Variants in VPS52 observed in about 807,000 individuals in gnomAD.
VPS52 encodes VPS52 subunit of GARP complex.
In VPS52, 56 loss-of-function variants were observed where a neutral mutation model predicts 98.7. The ratio of observed to expected loss-of-function variants is 0.57; its 90% CI spans 0.46 to 0.71. The LOEUF (loss-of-function observed/expected upper bound fraction) is 0.71. Ranked by LOEUF, VPS52 falls within the 30% of genes least tolerant of loss-of-function variation. The probability of loss-of-function intolerance (pLI) is 0.00; values close to 1 mark genes in which losing one functional copy is unlikely to be tolerated. For missense variants in VPS52, 742 were observed against 925.9 expected (o/e 0.80, Z 2.58); for synonymous variants, 348 against 346.4 (o/e 1.00, Z -0.05).
chr6:33,262,869 T>C (rs1763792188), intron 17 of VPS52, among the ~76,000 whole-genome samples: 1 of 152,152 alleles, frequency 6.6e-6, no homozygotes, highest in East Asian at 1.9e-4. Flanking sequence ...GAAGGATGGC[T>C]ACCAGAGGCT....
At chr6:33,263,263 CAAAAAA>C (rs750569619) in intron 17 of VPS52, among the ~76,000 whole-genome samples, 4 of 44,414 alleles carry the variant, frequency 9.0e-5, no homozygotes, top group Non-Finnish European at 1.9e-4. Context: ...CACTTTGCCT[CAAAAAA>C]AAAAAAAAAA....
In VPS52 at chr6:33,266,816, G is replaced by A. The variant is rs1228788709; in HGVS notation, c.1126-104C>T. ...CAGTAAACCTGAGTAATAAGAGCTA[G>A]GCAGACCCTTCGCATCTATCTAGGT... On this transcript the variant is annotated intron_variant, in intron 11 of 19. Transcript: ENST00000445902. The A allele has an allele frequency of 3.5e-6, 5 of 1,419,372 alleles. No individual in the cohort carries two copies. In the African/African-American group the frequency reaches 5.7e-5, roughly 16 times the overall value. The allele number at this position is 1,419,372 out of a possible 1,614,324, so 87.9% of individuals were successfully genotyped here.
chr6:33,263,542 GC>G lies in VPS52; in HGVS notation c.1735del (p.Ala579LeufsTer34). The G allele has an allele frequency of 6.2e-7, 1 of 1,614,084 alleles. No individual in the cohort carries two copies. Among genetic ancestry groups the G allele is most frequent in the Non-Finnish European group, 8.5e-7 (1 of 1,180,010 alleles). On this transcript the variant is annotated frameshift_variant, in exon 17 of 20. Transcript: ENST00000445902. LOFTEE classifies it high-confidence loss of function. ...DMMLGVLMER[A>X]ADDSKEVESF... The stretch of plus-strand genomic sequence containing the variant: ...CTCAACCTCTTTGCTGTCATCTGCA[GC>G]CCGCTCCTAAGGGAAGACAAAGGGA...
rs372058153 is a variant in VPS52, at chr6:33,271,643, G to T, written c.33C>A (p.Ala11=). MAAAATMAAA[A]RELVLRAGTS... ...TCCCAGCCCGCAACACCAGTTCCCG[G>T]GCCGCAGCCGCCATGGTCGCAGCGG... The change falls in exon 1 of 20, where the codon GCC becomes GCA. Residue 11 remains alanine, a synonymous_variant. Coordinates refer to ENST00000445902, the MANE Select transcript of VPS52 (RefSeq NM_022553.6). 1 of 1,610,642 alleles carries T rather than the reference G, an allele frequency of 6.2e-7. No individual in the cohort carries two copies.
intron 11 of VPS52, 70 bp from the exon 12 acceptor site, chr6:33,266,782 C>T: frequency 6.5e-7 from 1 of 1,534,002 alleles, no homozygotes. Context: ...ATGGATATGG[C>T]TGGAAAATCA....
rs1444971577 is a variant in VPS52, at chr6:33,268,738, C to G, written c.549-89G>C. The G allele has an allele frequency of 9.3e-6, 13 of 1,397,598 alleles. No homozygotes were observed. Among genetic ancestry groups the G allele is most frequent in the Non-Finnish European group, 1.2e-5 (13 of 1,055,700 alleles). The allele number at this position is 1,397,598 out of a possible 1,614,324, so 86.6% of individuals were successfully genotyped here. ...AGACCACACTCCTTACCTCCAGCCC[C>G]TGTCATCTCTACCACCTTGCATTGT... On this transcript the variant is annotated intron_variant, in intron 6 of 19. Transcript: ENST00000445902. This position sits in a 1 kb window ranked among gnomAD's most constrained non-coding sequence, Gnocchi z 4.0.
rs767312322 is a variant in VPS52 at position 33,269,200 on chromosome 6, G to C, written c.373-11C>G. On this transcript the variant is annotated splice_polypyrimidine_tract_variant and intron_variant, in intron 5 of 19. Coordinates refer to ENST00000445902, the MANE Select transcript of VPS52 (RefSeq NM_022553.6). ...CATCTGCTCCATTCGCTGTAGGGAG[G>C]GTAGATGTTGCCGGAGTGCTATAGG... 6.2e-7 allele frequency: 1 copy of C among 1,612,842 alleles called. No individual in the cohort carries two copies. The highest frequency in any genetic ancestry group is 8.5e-7 in the Non-Finnish European group (1 of 1,179,878).
In VPS52 at chr6:33,268,713, A is replaced by T; in HGVS notation, c.549-64T>A. The T allele has an allele frequency of 6.6e-7, 1 of 1,521,922 alleles. No individual in the cohort carries two copies. Among genetic ancestry groups the T allele is most frequent in the Non-Finnish European group, 8.8e-7 (1 of 1,137,086 alleles). The allele number at this position is 1,521,922 out of a possible 1,614,324, so 94.3% of individuals were successfully genotyped here. On this transcript the variant is annotated intron_variant, in intron 6 of 19. Transcript: ENST00000445902. The surrounding 1 kb of genome is among the most constrained non-coding windows in gnomAD (Gnocchi z 4.0). The stretch of plus-strand genomic sequence containing the variant: ...ACCCAGACATCCCTAAACCAGACCC[A>T]GACCACACTCCTTACCTCCAGCCCC...
Position 33,267,728 on chromosome 6 carries a change from G to A in VPS52, c.945C>T (p.Val315=), listed in dbSNP as rs775085926. Residue 315 remains valine, a synonymous_variant, in exon 10 of 20, where the codon GTC becomes GTT. Transcript: ENST00000445902. The surrounding 1 kb of genome is among the most constrained non-coding windows in gnomAD (Gnocchi z 4.2). ...CACCCATTAGATCATCTTTCTCAGC[G>A]ACTTCCTCATACTAAGGAAAGAGAA... ...GRLMKVQYEE[V]AEKDDLMGVE... 43 of 1,612,740 alleles carry A rather than the reference G, an allele frequency of 2.7e-5. No homozygotes were observed. The highest frequency in any genetic ancestry group is 1.0e-4 in the Admixed American group (6 of 59,970).
chr6:33,253,856 AAGG>A (rs1428608763), intron 17 of VPS52, among the ~76,000 whole-genome samples: 1 of 152,188 alleles, frequency 6.6e-6, no homozygotes, highest in African/African-American at 2.4e-5. Context: ...GGGGACACAG[AAGG>A]AGGATAAGCA....
chr6:33,267,541 G>T lies in VPS52; in HGVS notation c.991+141C>A. 1.6e-6 allele frequency: 2 copies of T among 1,218,722 alleles called. No individual in the cohort carries two copies. The highest frequency in any genetic ancestry group is 2.3e-6 in the Non-Finnish European group (2 of 863,888). 75.5% of individuals were successfully genotyped at this position (1,218,722 alleles called of 1,614,324 possible). A position where few individuals can be genotyped will look rare whatever the true frequency, so the allele number is the denominator to read the frequency against. On this transcript the variant is annotated intron_variant, in intron 10 of 19. Transcript: ENST00000445902. This position sits in a 1 kb window ranked among gnomAD's most constrained non-coding sequence, Gnocchi z 4.2. Reference sequence around the variant, plus strand: ...TCAAAATAATGTGTGCATCTTTCTGGGGAGGGAGGCTATAGCTTTCATCAC... The same window carrying T: ...TCAAAATAATGTGTGCATCTTTCTGTGGAGGGAGGCTATAGCTTTCATCAC...
chr6:33,262,849 G>A (rs1456310550), intron 17 of VPS52, among the ~76,000 whole-genome samples: 2 of 152,188 alleles, frequency 1.3e-5, no homozygotes, highest in East Asian at 1.9e-4. Context: ...ACTCATGTAC[G>A]AAGAGAGTAG....
intron 5 of VPS52, 47 bp from the exon 6 acceptor site, chr6:33,269,236 G>C (rs777666972): frequency 3.1e-6 from 5 of 1,603,564 alleles, no homozygotes; most frequent in Non-Finnish European, 4.3e-6. Context: ...GTTTGTAGGG[G>C]ATAAGTGGGC....
In VPS52 at chr6:33,268,459, G is replaced by A. The variant is rs1423705063; in HGVS notation, c.699+40C>T. The A allele has an allele frequency of 6.5e-7, 1 of 1,550,114 alleles. No homozygotes were observed. Among genetic ancestry groups the A allele is most frequent in the East Asian group, 2.3e-5 (1 of 44,232 alleles). ...CCATAGTGAAGATCTTGGGAAGGCTGCTTCCAGTAGCCTCCAGGGTATCCA... is the reference window on the plus strand; with the variant it reads ...CCATAGTGAAGATCTTGGGAAGGCTACTTCCAGTAGCCTCCAGGGTATCCA... On this transcript the variant is annotated intron_variant, in intron 7 of 19. Coordinates refer to ENST00000445902, the MANE Select transcript of VPS52 (RefSeq NM_022553.6). The surrounding 1 kb of genome is among the most constrained non-coding windows in gnomAD (Gnocchi z 4.0).
chr6:33,250,771 A>T lies in VPS52; in HGVS notation c.*70T>A. On this transcript the variant is annotated 3_prime_UTR_variant, in exon 20 of 20. Coordinates refer to ENST00000445902, the MANE Select transcript of VPS52 (RefSeq NM_022553.6). ...AAACTGGAAGGGGTACCCCAGGTGA[A>T]GAAGGGTATGGAATGGGGTGCAGAA... 6.4e-7 allele frequency: 1 copy of T among 1,556,468 alleles called. No individual in the cohort carries two copies. Among genetic ancestry groups the T allele is most frequent in the East Asian group, 2.3e-5 (1 of 44,112 alleles).
intron 16 of VPS52, 49 bp downstream of exon 16, chr6:33,263,723 G>C: frequency 1.2e-6 from 2 of 1,611,016 alleles, no homozygotes; most frequent in Non-Finnish European, 8.5e-7. Context: ...AGCAGTGGGG[G>C]AAACCGAATT....
chr6:33,271,646 C>A lies in VPS52; in HGVS notation c.30G>T (p.Ala10=). 6.2e-7 allele frequency: 1 copy of A among 1,610,320 alleles called. No individual in the cohort carries two copies. The highest frequency in any genetic ancestry group is 8.5e-7 in the Non-Finnish European group (1 of 1,177,986). ...CAGCCCGCAACACCAGTTCCCGGGC[C>A]GCAGCCGCCATGGTCGCAGCGGCGG... MAAAATMAA[A]ARELVLRAGT... Residue 10 remains alanine, a synonymous_variant, in exon 1 of 20, where the codon GCG becomes GCT. Transcript: ENST00000445902.
chr6:33,262,892 G>A (rs886773279), intron 17 of VPS52, among the ~76,000 whole-genome samples: 29 of 152,270 alleles, frequency 1.9e-4, no homozygotes, highest in African/African-American at 6.5e-4. Flanking sequence ...GAAGGCTAGT[G>A]GAAGGCTGGG....
intron 17 of VPS52, among the ~76,000 whole-genome samples, chr6:33,256,938 C>A (rs1057390022): frequency 6.6e-6 from 1 of 151,924 alleles, no homozygotes; most frequent in Non-Finnish European, 1.5e-5. Context: ...AAATAGATCC[C>A]TACCTCACAT....
Sources: allele counts gnomAD v4.1 joint callset (sites outside exome capture counted in the v4.1 genomes callset), GRCh38; gene constraint gnomAD v4.1.1; non-coding constraint Gnocchi (gnomAD v3.1); transcripts MANE v1.5; gene names NCBI Gene and HGNC (gene_info 2026-07-23, HGNC 2026-07-21).